Variants in ATRNL1 observed in about 807,000 individuals in gnomAD.
ATRNL1 encodes the protein attractin-like protein 1.
A neutral mutation model predicts 182.7 loss-of-function variants in ATRNL1; 95 were observed. The ratio of observed to expected loss-of-function variants is 0.52; its 90% CI spans 0.44 to 0.62. The LOEUF is 0.62. ATRNL1 is among the 20% of genes least tolerant of loss of function. The probability of loss-of-function intolerance (pLI) is 0.00; values close to 1 mark genes in which losing one functional copy is unlikely to be tolerated. For synonymous variants in ATRNL1, 576 were observed against 568.3 expected (o/e 1.01, Z -0.19); for missense variants, 1,471 against 1,679.5 (o/e 0.88, Z 2.17).
At position 115,270,246 on chromosome 10, in the gene ATRNL1, TAATA is replaced by T. The variant is rs1398538788; in HGVS notation, c.2100+1803_2100+1806del. Among the ~76,000 whole-genome samples the T allele has an allele frequency of 7.0e-5, 10 of 142,992 alleles. 1 individual carries two copies. The South Asian group carries it at 2.1e-3, about 30-fold the overall frequency. The allele number at this position is 142,992 out of a possible 152,430, so 93.8% of individuals were successfully genotyped here. The stretch of plus-strand genomic sequence containing the variant: ...TACACAGTTTATATATATAAATAAA[TAATA>T]TATATTTGTTTATATATTATATATA... On this transcript the variant is annotated intron_variant, in intron 13 of 28. Coordinates refer to ENST00000355044, the MANE Select transcript of ATRNL1 (RefSeq NM_207303.4).
chr10:115,594,101 A>G (rs1404605026), intron 26 of ATRNL1, among the ~76,000 whole-genome samples: 2 of 152,082 alleles, frequency 1.3e-5, no homozygotes, highest in Non-Finnish European at 2.9e-5. Flanking sequence ...AAGAAATAAA[A>G]CTATACTTTC....
chr10:115,735,231 T>C (rs1285912969), intron 27 of ATRNL1, among the ~76,000 whole-genome samples: 1 of 152,224 alleles, frequency 6.6e-6, no homozygotes, highest in Non-Finnish European at 1.5e-5. Flanking sequence ...ATAAACTCTC[T>C]TAGTCTTTCT....
intron 24 of ATRNL1, among the ~76,000 whole-genome samples, chr10:115,515,050 A>G (rs1274034647): frequency 6.6e-6 from 1 of 151,914 alleles, no homozygotes; most frequent in Non-Finnish European, 1.5e-5. Context: ...GCTTCTTTAG[A>G]ACTTCCTCAG....
intron 28 of ATRNL1, among the ~76,000 whole-genome samples, chr10:115,871,669 G>T (rs1555106187): frequency 6.6e-6 from 1 of 151,688 alleles, no homozygotes; most frequent in Non-Finnish European, 1.5e-5. Context: ...ATAAACTCTG[G>T]GCTATCATGG....
intron 19 of ATRNL1, among the ~76,000 whole-genome samples, chr10:115,337,413 T>C (rs1483144415): frequency 1.3e-5 from 2 of 152,140 alleles, no homozygotes; most frequent in Non-Finnish European, 2.9e-5. Flanking sequence ...GTCACCTTAT[T>C]GTGCTATCGA....
rs139582596 is a variant in ATRNL1 at position 115,123,358 on chromosome 10, T to A, written c.491+1546T>A. ...TGAGAAAATTGACATTCAGAGAAGT[T>A]ATTTGCTTCTAATAGATGGTAGAGC... On this transcript the variant is annotated intron_variant, in intron 3 of 28. Transcript: ENST00000355044. Among the ~76,000 whole-genome samples the A allele has an allele frequency of 3.8e-3, 581 of 152,348 alleles. 2 individuals are homozygous for A. Among genetic ancestry groups the A allele is most frequent in the African/African-American group, 0.013 (560 of 41,578 alleles).
At chr10:115,241,123 T>C (rs970585874) in intron 9 of ATRNL1, among the ~76,000 whole-genome samples, 23 of 152,116 alleles carry the variant, frequency 1.5e-4, no homozygotes, top group African/African-American at 5.3e-4. Flanking sequence ...TTATGCATGT[T>C]ATACTTAAAT....
chr10:115,245,100 T>C (rs1278709022), intron 10 of ATRNL1, among the ~76,000 whole-genome samples: 2 of 152,194 alleles, frequency 1.3e-5, no homozygotes, highest in Non-Finnish European at 2.9e-5. Context: ...AACTAAAAAG[T>C]AATTTTTTAT....
At chr10:115,845,229 A>C (rs1251120377) in intron 27 of ATRNL1, among the ~76,000 whole-genome samples, 1 of 152,116 alleles carries the variant, frequency 6.6e-6, no homozygotes, top group African/African-American at 2.4e-5. Context: ...TTGATTTTTT[A>C]AAATAGAAGT....
chr10:115,345,434 C>T (rs2420078), intron 19 of ATRNL1, among the ~76,000 whole-genome samples: 107,424 of 152,064 alleles, frequency 0.71, 38,114 homozygotes, highest in East Asian at 0.82. Flanking sequence ...TCCTTTAGTG[C>T]CTAGAGATAC....
At chr10:115,281,287 T>C (rs1009185840) in intron 13 of ATRNL1, 68 bp from the exon 14 acceptor site, 18 of 1,393,664 alleles carry the variant, frequency 1.3e-5, no homozygotes, top group Non-Finnish European at 1.7e-5. Flanking sequence ...AGGATTTAAA[T>C]ATACACTGAA....
At chr10:115,168,755 T>A (rs1847160556) in intron 7 of ATRNL1, among the ~76,000 whole-genome samples, 1 of 152,084 alleles carries the variant, frequency 6.6e-6, no homozygotes, top group Admixed American at 6.6e-5. Flanking sequence ...CCATTTCGTG[T>A]GCTGTTTTCA....
chr10:115,093,500 T>G lies in ATRNL1; in HGVS notation c.-251T>G. On this transcript the variant is annotated 5_prime_UTR_variant, in exon 1 of 29. Transcript: ENST00000355044. This position sits in a 1 kb window ranked among gnomAD's most constrained non-coding sequence, Gnocchi z 6.1. Reference sequence around the variant, plus strand: ...CCGGCCGGGTCCGGGACGCCGCGGCTGTGGGGTCGGCCCGCTAAGGACAAG... The same window carrying G: ...CCGGCCGGGTCCGGGACGCCGCGGCGGTGGGGTCGGCCCGCTAAGGACAAG... The G allele has an allele frequency of 1.6e-6, 1 of 637,386 alleles. No homozygotes were observed. Among genetic ancestry groups the G allele is most frequent in the Non-Finnish European group, 2.9e-6 (1 of 349,836 alleles). The allele number at this position is 637,386 out of a possible 1,614,324, so 39.5% of individuals were successfully genotyped here.
intron 19 of ATRNL1, among the ~76,000 whole-genome samples, chr10:115,394,435 T>C (rs570272616): frequency 3.9e-5 from 6 of 152,042 alleles, no homozygotes; most frequent in African/African-American, 1.4e-4. Context: ...CACAGTAGAC[T>C]TCAGGATATC....
chr10:115,517,494 C>T (rs1427609593), intron 24 of ATRNL1, among the ~76,000 whole-genome samples: 3 of 151,744 alleles, frequency 2.0e-5, no homozygotes, highest in Non-Finnish European at 4.4e-5. Flanking sequence ...TGTGGATTCA[C>T]CCTGTTGACA....
chr10:115,422,251 A>G (rs1845682038), intron 20 of ATRNL1, among the ~76,000 whole-genome samples: 1 of 152,238 alleles, frequency 6.6e-6, no homozygotes, highest in African/African-American at 2.4e-5. Context: ...CAGAGTAAAC[A>G]GACACCTTAC....
chr10:115,572,644 G>T (rs1363369578), intron 26 of ATRNL1, among the ~76,000 whole-genome samples: 6 of 152,184 alleles, frequency 3.9e-5, no homozygotes, highest in Non-Finnish European at 7.3e-5. Flanking sequence ...TGGACATAAA[G>T]ACATTTGGAT....
chr10:115,236,311 A>G (rs1312088836), intron 9 of ATRNL1, among the ~76,000 whole-genome samples: 1 of 152,156 alleles, frequency 6.6e-6, no homozygotes, highest in African/African-American at 2.4e-5. Context: ...GTAGCTCTAC[A>G]TATCTATCTG....
At chr10:115,897,066 C>T in intron 28 of ATRNL1, among the ~76,000 whole-genome samples, 1 of 152,040 alleles carries the variant, frequency 6.6e-6, no homozygotes, top group East Asian at 1.9e-4. Flanking sequence ...TCCTGATTAA[C>T]TAATTTTCTT....
Sources: allele counts gnomAD v4.1 joint callset (sites outside exome capture counted in the v4.1 genomes callset), GRCh38; gene constraint gnomAD v4.1.1; non-coding constraint Gnocchi (gnomAD v3.1); transcripts MANE v1.5; gene names NCBI Gene and HGNC (gene_info 2026-07-23, HGNC 2026-07-21).